Variants in SCAMP5 observed in about 807,000 individuals in gnomAD.
SCAMP5 encodes secretory carrier membrane protein 5, also known as secretory carrier-associated membrane protein 5.
Under a neutral mutation model 28.3 loss-of-function variants are expected in SCAMP5, and 7 were observed. The observed-to-expected ratio is 0.25, with a 90% confidence interval of 0.14 to 0.46. SCAMP5 has a LOEUF of 0.46. SCAMP5 is among the 20% of genes least tolerant of loss of function. The pLI, the probability that SCAMP5 is intolerant of heterozygous loss-of-function variation, is 0.99. For missense variants in SCAMP5, 192 were observed against 312.5 expected (o/e 0.61, Z 2.91); for synonymous variants, 117 against 116.4 (o/e 1.00, Z -0.03).
Position 75,019,117 on chromosome 15 carries a change from T to TTA in SCAMP5, c.*150_*151dup, listed in dbSNP as rs71434247. 49,534 of 479,280 alleles carry TTA rather than the reference T, an allele frequency of 0.1. 1,426 individuals carry two copies. Among genetic ancestry groups the TTA allele is most frequent in the Middle Eastern group, 0.2 (350 of 1,762 alleles). 29.7% of individuals were successfully genotyped at this position (479,280 alleles called of 1,614,324 possible). On this transcript the variant is annotated 3_prime_UTR_variant, in exon 7 of 7. Transcript: ENST00000425597. ...CCCTACTTTGTACAAAGGACCAGAG[T>TTA]TATATATATATATATATGTATATGT... is the stretch of plus-strand genomic sequence containing the variant.
intron 1 of SCAMP5, among the ~76,000 whole-genome samples, chr15:75,008,854 AAT>A (rs1461092934): frequency 6.6e-6 from 1 of 152,216 alleles, no homozygotes; most frequent in Non-Finnish European, 1.5e-5. Context: ...CGTATATTCA[AAT>A]AGTCACATTT....
intron 1 of SCAMP5, among the ~76,000 whole-genome samples, chr15:75,007,311 T>C (rs1292317791): frequency 6.6e-6 from 1 of 152,226 alleles, no homozygotes; most frequent in South Asian, 2.1e-4. Flanking sequence ...TCCTGTAGTA[T>C]ACGGGCAAAG....
chr15:75,013,054 C>A, intron 3 of SCAMP5: 1 of 529,052 alleles, frequency 1.9e-6, no homozygotes, highest in South Asian at 2.2e-5. Context: ...TCCCCTCCAC[C>A]CTCCTTTCAC....
At chr15:75,016,886 A>C in intron 4 of SCAMP5, 137 bp downstream of exon 4, 1 of 818,656 alleles carries the variant, frequency 1.2e-6, no homozygotes, top group Non-Finnish European at 1.8e-6. Context: ...CCTTTGGCTC[A>C]GATTGCTAGG....
Position 75,019,580 on chromosome 15 carries a change from C to T in SCAMP5, c.*597C>T, listed in dbSNP as rs2065888946. 1 of 153,238 alleles carries T rather than the reference C, an allele frequency of 6.5e-6. No homozygotes were observed. Among genetic ancestry groups the T allele is most frequent in the African/African-American group, 2.4e-5 (1 of 41,436 alleles). 9.5% of individuals were successfully genotyped at this position (153,238 alleles called of 1,614,324 possible). A position where few individuals can be genotyped will look rare whatever the true frequency, so the allele number is the denominator to read the frequency against. On this transcript the variant is annotated 3_prime_UTR_variant, in exon 7 of 7. Transcript: ENST00000425597. ...TCAGCCTCCTCCTCCCTCATCTGTT[C>T]CCTGATGTCACATTCCCTGTGCAAT...
At chr15:75,016,073 A>G (rs181613856) in intron 3 of SCAMP5, among the ~76,000 whole-genome samples, 1 of 152,248 alleles carries the variant, frequency 6.6e-6, no homozygotes, top group Non-Finnish European at 1.5e-5. Context: ...TTCCATGCCC[A>G]TATCTCGAAA....
Position 75,018,725 on chromosome 15 carries a change from C to G in SCAMP5, c.514-64C>G. 1 of 1,277,152 alleles carries G rather than the reference C, an allele frequency of 7.8e-7. No individual in the cohort carries two copies. The highest frequency in any genetic ancestry group is 1.1e-6 in the Non-Finnish European group (1 of 882,814). The allele number at this position is 1,277,152 out of a possible 1,614,324, so 79.1% of individuals were successfully genotyped here. On this transcript the variant is annotated intron_variant, in intron 6 of 6. Transcript: ENST00000425597. This position sits in a 1 kb window ranked among gnomAD's most constrained non-coding sequence, Gnocchi z 5.6. ...TTTTTTTTTTACAGATGGGTCCCAT[C>G]TATTTCCTGGATGGGCTGCCTTTTC...
In SCAMP5 at chr15:74,996,415, A is replaced by G. The variant is rs2065654546; in HGVS notation, c.-49+742A>G. ...AAGTAGAGACTCGGACTGAGCATTC[A>G]CTGTCACAGGCGGCTTAAACAAGTA... On this transcript the variant is annotated intron_variant, in intron 1 of 6. Transcript: ENST00000425597. The surrounding 1 kb of genome is among the most constrained non-coding windows in gnomAD (Gnocchi z 4.1). The G allele has an allele frequency of 6.6e-6, 1 of 152,432 alleles. No homozygotes were observed. Among genetic ancestry groups the G allele is most frequent in the African/African-American group, 2.4e-5 (1 of 41,464 alleles). 9.4% of individuals were successfully genotyped at this position (152,432 alleles called of 1,614,324 possible). A position where few individuals can be genotyped will look rare whatever the true frequency, so the allele number is the denominator to read the frequency against.
chr15:74,997,447 G>A (rs2141418766), intron 1 of SCAMP5: 1 of 152,344 alleles, frequency 6.6e-6, no homozygotes, highest in Non-Finnish European at 1.5e-5. Context: ...GTCCCTCCTG[G>A]AAACTCCATC....
intron 2 of SCAMP5, among the ~76,000 whole-genome samples, 194 bp from the exon 3 acceptor site, chr15:75,012,483 C>T (rs2065820044): frequency 6.6e-6 from 1 of 152,182 alleles, no homozygotes; most frequent in Non-Finnish European, 1.5e-5. Flanking sequence ...TTCTGAGTGA[C>T]ACTGTCTCAG....
At chr15:75,004,724 C>G (rs1315862716) in intron 1 of SCAMP5, among the ~76,000 whole-genome samples, 1 of 150,374 alleles carries the variant, frequency 6.7e-6, no homozygotes, top group South Asian at 2.1e-4. Context: ...CAGAGTGAGA[C>G]CCTGTCTCAA....
chr15:75,018,989 C>G lies in SCAMP5; in HGVS notation c.*6C>G, dbSNP rs1215596015. 1 of 1,490,760 alleles carries G rather than the reference C, an allele frequency of 6.7e-7. No homozygotes were observed. The highest frequency in any genetic ancestry group is 1.4e-5 in the African/African-American group (1 of 70,016). The allele number at this position is 1,490,760 out of a possible 1,614,324, so 92.3% of individuals were successfully genotyped here. On this transcript the variant is annotated 3_prime_UTR_variant, in exon 7 of 7. Coordinates refer to ENST00000425597, the MANE Select transcript of SCAMP5 (RefSeq NM_138967.4). The surrounding 1 kb of genome is among the most constrained non-coding windows in gnomAD (Gnocchi z 5.6). ...CGTACTCCAATGAGATGTGAACCAG[C>G]CACGCCTACCAGGTGGCAGAGCTGG...
rs759610542 is a variant in SCAMP5, at chr15:74,996,286, C to T, written c.-49+613C>T. 46 of 152,528 alleles carry T rather than the reference C, an allele frequency of 3.0e-4. No homozygotes were observed. Among genetic ancestry groups the T allele is most frequent in the African/African-American group, 1.1e-3 (44 of 41,582 alleles). The allele number at this position is 152,528 out of a possible 1,614,324, so 9.4% of individuals were successfully genotyped here. The stretch of plus-strand genomic sequence containing the variant: ...TGAGTTGGGGGCGCCGGATTTGGCT[C>T]ATTTCAACGCTGGCCGGAGGTCACG... On this transcript the variant is annotated intron_variant, in intron 1 of 6. Coordinates refer to ENST00000425597, the MANE Select transcript of SCAMP5 (RefSeq NM_138967.4). The surrounding 1 kb of genome is among the most constrained non-coding windows in gnomAD (Gnocchi z 4.1).
intron 1 of SCAMP5, among the ~76,000 whole-genome samples, chr15:75,007,286 G>A (rs1237575312): frequency 6.6e-6 from 1 of 152,176 alleles, no homozygotes. Context: ...TCAGCACACT[G>A]ATTCATTTGC....
In SCAMP5 at chr15:75,000,682, C is replaced by CG. The variant is rs1567017077; in HGVS notation, c.-49+5009_-49+5010insG. ...TACAGGCGTGAGCCATCGCACCCAG[C>CG]CTTTTTTTTTTTTTTTTTTTGAAGA... On this transcript the variant is annotated intron_variant, in intron 1 of 6. Transcript: ENST00000425597. Among the ~76,000 whole-genome samples the CG allele has an allele frequency of 9.1e-5, 8 of 88,352 alleles. No homozygotes were observed. In the Admixed American group the frequency reaches 9.9e-4, roughly 11 times the overall value. The allele number at this position is 88,352 out of a possible 152,430, so 58.0% of individuals were successfully genotyped here. A position where few individuals can be genotyped will look rare whatever the true frequency, so the allele number is the denominator to read the frequency against.
Position 75,019,045 on chromosome 15 carries a change from C to T in SCAMP5, c.*62C>T, listed in dbSNP as rs780487165. ...TTGGGACAGGGGGCTCAAGCCACAT[C>T]GTCATTTGTGGTTACCAAGCAGGGT... On this transcript the variant is annotated 3_prime_UTR_variant, in exon 7 of 7. Coordinates refer to ENST00000425597, the MANE Select transcript of SCAMP5 (RefSeq NM_138967.4). 225 of 1,227,548 alleles carry T rather than the reference C, an allele frequency of 1.8e-4. No homozygotes were observed. The highest frequency in any genetic ancestry group is 1.1e-4 in the East Asian group (4 of 38,046). The allele number at this position is 1,227,548 out of a possible 1,614,324, so 76.0% of individuals were successfully genotyped here. A position where few individuals can be genotyped will look rare whatever the true frequency, so the allele number is the denominator to read the frequency against.
At chr15:75,012,624 G>A (rs2065822070) in intron 2 of SCAMP5, 53 bp from the exon 3 acceptor site, 2 of 1,609,992 alleles carry the variant, frequency 1.2e-6, no homozygotes, top group Non-Finnish European at 1.7e-6. Context: ...GGGCGTCTTG[G>A]ATTGTCGGGT....
chr15:75,012,158 T>C (rs977550333), intron 2 of SCAMP5, among the ~76,000 whole-genome samples: 3 of 152,202 alleles, frequency 2.0e-5, no homozygotes, highest in Admixed American at 1.3e-4. Flanking sequence ...TATTGCTTTC[T>C]AATACTCTGA....
intron 1 of SCAMP5, among the ~76,000 whole-genome samples, chr15:75,011,365 C>T (rs900913904): frequency 3.9e-5 from 6 of 152,146 alleles, no homozygotes; most frequent in African/African-American, 1.4e-4. Flanking sequence ...GCAGGGACCA[C>T]ATCTGTCTCA....
Sources: allele counts gnomAD v4.1 joint callset (sites outside exome capture counted in the v4.1 genomes callset), GRCh38; gene constraint gnomAD v4.1.1; non-coding constraint Gnocchi (gnomAD v3.1); transcripts MANE v1.5; gene names NCBI Gene and HGNC (gene_info 2026-07-23, HGNC 2026-07-21).